RABGAP1L: variants seen among roughly 807,000 people sequenced by gnomAD.
The protein encoded by RABGAP1L is rab GTPase-activating protein 1-like.
In RABGAP1L, 63 loss-of-function variants were observed where a neutral mutation model predicts 137.7. The observed-to-expected ratio is 0.46, with a 90% confidence interval of 0.37 to 0.56. The LOEUF (loss-of-function observed/expected upper bound fraction) is 0.56. RABGAP1L is among the 20% of genes least tolerant of loss of function. The pLI is 0.00. For synonymous variants in RABGAP1L, 431 were observed against 433.7 expected (o/e 0.99, Z 0.08); for missense variants, 1,095 against 1,244.0 (o/e 0.88, Z 1.80).
intron 19 of RABGAP1L, among the ~76,000 whole-genome samples, chr1:174,847,197 T>C (rs568704868): frequency 6.6e-6 from 1 of 150,866 alleles, no homozygotes; most frequent in South Asian, 2.1e-4. Context: ...CCAGTCTGTG[T>C]CTTTTAATTG....
intron 11 of RABGAP1L, among the ~76,000 whole-genome samples, chr1:174,355,811 C>G (rs1683584385): frequency 6.6e-6 from 1 of 152,068 alleles, no homozygotes; most frequent in Non-Finnish European, 1.5e-5. Context: ...TTCAGAATGA[C>G]AGTGATGATG....
chr1:174,575,825 A>G (rs1393731209), intron 13 of RABGAP1L, among the ~76,000 whole-genome samples: 1 of 152,182 alleles, frequency 6.6e-6, no homozygotes, highest in Admixed American at 6.5e-5. Flanking sequence ...AGCTGGGTCC[A>G]GGAGGGTCAC....
intron 15 of RABGAP1L, among the ~76,000 whole-genome samples, chr1:174,685,534 T>A (rs1678393722): frequency 7.0e-6 from 1 of 142,914 alleles, no homozygotes; most frequent in Admixed American, 7.0e-5. Flanking sequence ...ATTACAGGCG[T>A]GAGCCACCGC....
In RABGAP1L at chr1:174,241,528, C is replaced by A; in HGVS notation, c.588C>A (p.Ile196=). The A allele has an allele frequency of 1.9e-6, 3 of 1,611,414 alleles. No homozygotes were observed. The highest frequency in any genetic ancestry group is 2.5e-6 in the Non-Finnish European group (3 of 1,178,526). Residue 196 remains isoleucine, a synonymous_variant, in exon 5 of 26, where the codon ATC becomes ATA. Coordinates refer to ENST00000681986, the MANE Select transcript of RABGAP1L (RefSeq NM_001366446.1). ...SSNVEIASFP[I]YKVLFCARGH... ...ATGTGGAGATAGCATCTTTTCCAAT[C>A]TATAAGGTGTTATTCTGTGCACGTG...
At chr1:174,797,805 C>T (rs914319924) in intron 18 of RABGAP1L, among the ~76,000 whole-genome samples, 1 of 151,812 alleles carries the variant, frequency 6.6e-6, no homozygotes, top group Non-Finnish European at 1.5e-5. Context: ...CTCCCTCTTC[C>T]AGCTGAACCT....
chr1:174,356,296 T>C (rs1481136881), intron 11 of RABGAP1L, among the ~76,000 whole-genome samples: 1 of 152,148 alleles, frequency 6.6e-6, no homozygotes, highest in Non-Finnish European at 1.5e-5. Context: ...ATTTGTTTAC[T>C]AAAAACAGTA....
chr1:174,409,854 C>T lies in RABGAP1L; in HGVS notation c.1710+15709C>T, dbSNP rs778781747. ...TGAGGTCAGACTGGTTCTCTGCTCT[C>T]GAACCCTGTTTTCTGTTGTTTAAGA... On this transcript the variant is annotated intron_variant, in intron 13 of 25. Coordinates refer to ENST00000681986, the MANE Select transcript of RABGAP1L (RefSeq NM_001366446.1). 7.2e-5 allele frequency among the ~76,000 whole-genome samples: 11 copies of T among 152,288 alleles called. No individual in the cohort carries two copies. In the East Asian group the frequency reaches 1.5e-3, roughly 21 times the overall value.
chr1:174,774,726 A>G (rs1686392884), intron 18 of RABGAP1L, among the ~76,000 whole-genome samples: 1 of 152,064 alleles, frequency 6.6e-6, no homozygotes, highest in Non-Finnish European at 1.5e-5. Flanking sequence ...CAAAAAATAC[A>G]AAAATTAGCC....
chr1:174,230,729 G>A (rs74128324), intron 3 of RABGAP1L, among the ~76,000 whole-genome samples: 2,067 of 152,280 alleles, frequency 0.014, 60 homozygotes, highest in African/African-American at 0.048. Flanking sequence ...ACAAAAAGAA[G>A]GCAGTATGGT....
chr1:174,749,774 A>T (rs1462468070), intron 17 of RABGAP1L, among the ~76,000 whole-genome samples: 1 of 152,220 alleles, frequency 6.6e-6, no homozygotes, highest in Admixed American at 6.5e-5. Context: ...CTTCAGGATC[A>T]GAAAGTGACC....
intron 13 of RABGAP1L, among the ~76,000 whole-genome samples, chr1:174,503,933 A>T (rs1661574092): frequency 6.6e-6 from 1 of 151,166 alleles, no homozygotes; most frequent in Admixed American, 6.6e-5. Context: ...TGTCCATACT[A>T]CCTAAAACAA....
chr1:174,674,061 GT>G (rs202020221), intron 14 of RABGAP1L, among the ~76,000 whole-genome samples: 15,239 of 140,556 alleles, frequency 0.11, 910 homozygotes, highest in East Asian at 0.23. Context: ...AGTGTTCAGA[GT>G]TTTTTTTTTT....
intron 19 of RABGAP1L, among the ~76,000 whole-genome samples, chr1:174,944,274 C>CAAAAAAAAAAAAAAAAAAA (rs56225773): frequency 2.0e-5 from 1 of 50,860 alleles, no homozygotes; most frequent in African/African-American, 7.4e-5. Context: ...AAGACTGTCT[C>CAAAAAAAAAAAAAAAAAAA]AAAAAAAAAA....
At chr1:174,351,215 C>A (rs112855995) in intron 11 of RABGAP1L, among the ~76,000 whole-genome samples, 1 of 152,104 alleles carries the variant, frequency 6.6e-6, no homozygotes, top group Admixed American at 6.5e-5. Context: ...TTACAAAGCA[C>A]AATTATAGTG....
chr1:174,711,750 GC>G lies in RABGAP1L; in HGVS notation c.2169+9496del, dbSNP rs1680541679. On this transcript the variant is annotated intron_variant, in intron 17 of 25. Coordinates refer to ENST00000681986, the MANE Select transcript of RABGAP1L (RefSeq NM_001366446.1). ...ACTGGCACTGCCCCCTACTCCGGGGGCCTGGTCACACCAACCGCCCAAGGGC... is the reference window on the plus strand; with the variant it reads ...ACTGGCACTGCCCCCTACTCCGGGGGCTGGTCACACCAACCGCCCAAGGGC... Among the ~76,000 whole-genome samples the G allele has an allele frequency of 2.6e-5, 4 of 152,362 alleles. No homozygotes were observed. In the South Asian group the frequency reaches 8.3e-4, roughly 32 times the overall value.
At chr1:174,270,866 A>T (rs1395980732) in intron 7 of RABGAP1L, among the ~76,000 whole-genome samples, 5 of 152,180 alleles carry the variant, frequency 3.3e-5, no homozygotes, top group African/African-American at 1.2e-4. Flanking sequence ...AAGCTGAAGC[A>T]AAGTATGTAG....
Position 174,219,245 on chromosome 1 carries a change from C to T in RABGAP1L, c.88C>T (p.Gln30Ter). The change falls in exon 2 of 26, where the codon CAG becomes TAG. Residue 30 changes from glutamine (Q) to a stop codon, truncating the protein, a stop_gained. Transcript: ENST00000681986. LOFTEE classifies it high-confidence loss of function. ...CAGTGAAGAATTTGTTTTGGTTCCTCAGTATGCAGATGATAATTCTACAAA... is the reference window on the plus strand; with the variant it reads ...CAGTGAAGAATTTGTTTTGGTTCCTTAGTATGCAGATGATAATTCTACAAA... The part of the protein sequence containing the change: ...MNSEEFVLVP[Q>*]YADDNSTKHE... 1 of 1,604,030 alleles carries T rather than the reference C, an allele frequency of 6.2e-7. No homozygotes were observed. Among genetic ancestry groups the T allele is most frequent in the Non-Finnish European group, 8.5e-7 (1 of 1,174,246 alleles).
At chr1:174,401,601 G>A (rs950899671) in intron 13 of RABGAP1L, among the ~76,000 whole-genome samples, 1 of 152,130 alleles carries the variant, frequency 6.6e-6, no homozygotes, top group Non-Finnish European at 1.5e-5. Context: ...CAGGAAGTGT[G>A]TAGCACCCTG....
intron 18 of RABGAP1L, among the ~76,000 whole-genome samples, chr1:174,770,788 C>A (rs1377792939): frequency 6.6e-6 from 1 of 152,176 alleles, no homozygotes; most frequent in African/African-American, 2.4e-5. Flanking sequence ...TGTCCTTGAT[C>A]CCATCTTTCC....
Sources: gnomAD v4.1 joint callset for allele counts (sites outside exome capture counted in the v4.1 genomes callset) on GRCh38, gnomAD v4.1.1 for gene constraint, MANE v1.5 for transcripts, NCBI Gene and HGNC (gene_info 2026-07-23, HGNC 2026-07-21) for gene names.